The following SYT2 variants were observed in gnomAD, a reference collection of about 807,000 sequenced individuals.
SYT2 encodes synaptotagmin-2.
Under a neutral mutation model 39.9 loss-of-function variants are expected in SYT2, and 15 were observed. The ratio of observed to expected loss-of-function variants is 0.38; its 90% CI spans 0.25 to 0.58. The LOEUF (loss-of-function observed/expected upper bound fraction) is 0.58. SYT2 is among the 20% of genes least tolerant of loss of function. SYT2 has a pLI of 0.70. For missense variants in SYT2, 389 were observed against 530.3 expected, an observed-to-expected ratio of 0.73 and a Z score of 2.62; for synonymous variants, 181 against 204.5, an observed-to-expected ratio of 0.89 and a Z score of 0.98.
At chr1:202,682,110 C>A (rs1653541047) in intron 1 of SYT2, among the ~76,000 whole-genome samples, 1 of 152,186 alleles carries the variant, frequency 6.6e-6, no homozygotes, top group Non-Finnish European at 1.5e-5. Context: ...GGGTCCCTGT[C>A]TTGCCTTGCC....
intron 1 of SYT2, among the ~76,000 whole-genome samples, chr1:202,616,457 C>T (rs1313461545): frequency 6.6e-6 from 1 of 152,122 alleles, no homozygotes; most frequent in East Asian, 1.9e-4. Context: ...CTTGTTCTCC[C>T]CTTCGTGACC....
rs1356927301 is a variant in SYT2, at chr1:202,594,365, A to G, written c.*2392T>C. The G allele has an allele frequency of 6.6e-6, 1 of 152,264 alleles. No individual in the cohort carries two copies. Among genetic ancestry groups the G allele is most frequent in the Non-Finnish European group, 1.5e-5 (1 of 68,078 alleles). The allele number at this position is 152,264 out of a possible 1,614,324, so 9.4% of individuals were successfully genotyped here. ...AGGGCTGAATGAAGTTCATGAATGG[A>G]AAAGAATCCAGGTGGTAGAAGATGA... On this transcript the variant is annotated 3_prime_UTR_variant, in exon 9 of 9. Transcript: ENST00000367268.
intron 1 of SYT2, among the ~76,000 whole-genome samples, chr1:202,685,562 G>T (rs746447053): frequency 6.6e-6 from 1 of 152,048 alleles, no homozygotes; most frequent in African/African-American, 2.4e-5. Context: ...TCTTTCCCAG[G>T]TAATTCACCG....
At chr1:202,644,772 C>T (rs574416158) in intron 1 of SYT2, among the ~76,000 whole-genome samples, 68 of 152,282 alleles carry the variant, frequency 4.5e-4, no homozygotes, top group Non-Finnish European at 6.8e-4. Context: ...TTCTCATCCC[C>T]ACAGAGTCTG....
chr1:202,619,433 A>G (rs772867506), intron 1 of SYT2, among the ~76,000 whole-genome samples: 29 of 152,220 alleles, frequency 1.9e-4, no homozygotes, highest in Admixed American at 1.6e-3. Flanking sequence ...CTGAAGAGGT[A>G]GGGGTCTGGG....
At chr1:202,600,099 GGATGAAAT>G (rs1341846902) in intron 7 of SYT2, among the ~76,000 whole-genome samples, 1 of 152,136 alleles carries the variant, frequency 6.6e-6, no homozygotes. Flanking sequence ...ACTTATCTGG[GGATGAAAT>G]TTCTCTGATC....
intron 1 of SYT2, among the ~76,000 whole-genome samples, chr1:202,654,502 T>C (rs1224375575): frequency 6.6e-6 from 1 of 152,182 alleles, no homozygotes; most frequent in Admixed American, 6.5e-5. Context: ...CATTCAACAA[T>C]CTTTTGTTAA....
At chr1:202,671,278 A>G (rs4414095) in intron 1 of SYT2, among the ~76,000 whole-genome samples, 85,510 of 152,088 alleles carry the variant, frequency 0.56, 25,422 homozygotes, top group East Asian at 0.79. Context: ...GAGCCAGAGG[A>G]AAGTGCTGCC....
chr1:202,677,687 G>T (rs893493814), intron 1 of SYT2, among the ~76,000 whole-genome samples: 1 of 152,192 alleles, frequency 6.6e-6, no homozygotes, highest in African/African-American at 2.4e-5. Flanking sequence ...GTAAATGATT[G>T]TTTTTGTTTT....
chr1:202,599,779 G>A lies in SYT2; in HGVS notation c.920-428C>T, dbSNP rs1246365179. On this transcript the variant is annotated intron_variant, in intron 7 of 8. Transcript: ENST00000367268. This position sits in a 1 kb window ranked among gnomAD's most constrained non-coding sequence, Gnocchi z 4.4. ...AATGACCTGCCCGAGGTCACACAGCGGGTCAGTGACAGAGCCAGGCTGGCA... is the reference window on the plus strand; with the variant it reads ...AATGACCTGCCCGAGGTCACACAGCAGGTCAGTGACAGAGCCAGGCTGGCA... Among the ~76,000 whole-genome samples the A allele has an allele frequency of 2.0e-5, 3 of 152,170 alleles. No homozygotes were observed. The highest frequency in any genetic ancestry group is 4.4e-5 in the Non-Finnish European group (3 of 68,028).
chr1:202,647,419 G>A (rs16850184), intron 1 of SYT2, among the ~76,000 whole-genome samples: 2 of 151,846 alleles, frequency 1.3e-5, no homozygotes, highest in Admixed American at 6.5e-5. Flanking sequence ...CTCTCTGAGC[G>A]ATCTAGGCCT....
intron 1 of SYT2, among the ~76,000 whole-genome samples, chr1:202,638,734 A>G (rs1572647927): frequency 6.6e-6 from 1 of 151,718 alleles, no homozygotes; most frequent in Non-Finnish European, 1.5e-5. Context: ...TTTCAGAAAC[A>G]CTCCCCATCA....
At chr1:202,647,689 C>T (rs1427834461) in intron 1 of SYT2, among the ~76,000 whole-genome samples, 1 of 152,198 alleles carries the variant, frequency 6.6e-6, no homozygotes, top group East Asian at 1.9e-4. Context: ...CAGACCTGTC[C>T]AAACAAAATA....
chr1:202,629,878 G>GTGGT (rs1553338298), intron 1 of SYT2, among the ~76,000 whole-genome samples: 2 of 119,326 alleles, frequency 1.7e-5, no homozygotes, highest in African/African-American at 6.7e-5. Flanking sequence ...GGGGGGGGGG[G>GTGGT]GGTGGTACGG....
chr1:202,625,201 T>A (rs989164642), intron 1 of SYT2, among the ~76,000 whole-genome samples: 1 of 115,350 alleles, frequency 8.7e-6, no homozygotes, highest in Non-Finnish European at 1.8e-5. Context: ...TGTAGTAGGG[T>A]GTGTGTGTGA....
At chr1:202,663,959 C>T (rs1692437190) in intron 1 of SYT2, among the ~76,000 whole-genome samples, 1 of 152,200 alleles carries the variant, frequency 6.6e-6, no homozygotes, top group Non-Finnish European at 1.5e-5. Context: ...AGTTACAAAA[C>T]TCCAGGATTC....
intron 1 of SYT2, among the ~76,000 whole-genome samples, chr1:202,704,317 G>T (rs2149122752): frequency 6.6e-6 from 1 of 152,312 alleles, no homozygotes; most frequent in South Asian, 2.1e-4. Flanking sequence ...CCCTGGCCTT[G>T]GGGAGCGCCC....
intron 1 of SYT2, among the ~76,000 whole-genome samples, chr1:202,674,510 C>T (rs1362693098): frequency 2.6e-5 from 4 of 152,094 alleles, no homozygotes; most frequent in African/African-American, 2.4e-5. Context: ...GTGATATGTA[C>T]ACATGTGTGA....
chr1:202,636,167 CCTT>C (rs1040373817), intron 1 of SYT2, among the ~76,000 whole-genome samples: 2 of 152,110 alleles, frequency 1.3e-5, no homozygotes, highest in African/African-American at 2.4e-5. Flanking sequence ...CAGAAACACT[CCTT>C]CTCTCTTGCT....
Sources: gnomAD v4.1 joint callset for allele counts (sites outside exome capture counted in the v4.1 genomes callset) on GRCh38, gnomAD v4.1.1 for gene constraint, Gnocchi (gnomAD v3.1) non-coding constraint, MANE v1.5 for transcripts, NCBI Gene and HGNC (gene_info 2026-07-23, HGNC 2026-07-21) for gene names.